The following NSUN3 variants were observed in gnomAD, a reference collection of about 807,000 sequenced individuals.
NSUN3 encodes the protein NOP2/Sun RNA methyltransferase 3.
A neutral mutation model predicts 36.8 loss-of-function variants in NSUN3; 24 were observed. The ratio of observed to expected loss-of-function variants is 0.65; its 90% CI spans 0.47 to 0.92. NSUN3 has a LOEUF of 0.92. NSUN3 is among the 40% of genes least tolerant of loss of function. The probability of loss-of-function intolerance (pLI) is 0.00; values close to 1 mark genes in which losing one functional copy is unlikely to be tolerated. For missense variants in NSUN3, 381 were observed against 392.8 expected (o/e 0.97, Z 0.25); for synonymous variants, 146 against 145.2 (o/e 1.01, Z -0.04).
chr3:94,114,443 C>G (rs1416007108), intron 5 of NSUN3, among the ~76,000 whole-genome samples: 1 of 152,118 alleles, frequency 6.6e-6, no homozygotes, highest in African/African-American at 2.4e-5. Flanking sequence ...CTGTGAAGTG[C>G]TCTTTAACTA....
chr3:94,111,969 G>A (rs2077419711), intron 5 of NSUN3, among the ~76,000 whole-genome samples: 3 of 152,088 alleles, frequency 2.0e-5, no homozygotes, highest in African/African-American at 7.2e-5. Context: ...TTAAGGAACT[G>A]GCTTATACAG....
intron 2 of NSUN3, among the ~76,000 whole-genome samples, chr3:94,082,911 GTTAGT>G (rs2077275931): frequency 1.3e-5 from 2 of 152,086 alleles, no homozygotes; most frequent in African/African-American, 2.4e-5. Context: ...GTTCACTGTA[GTTAGT>G]TTTCCATACC....
chr3:94,064,681 G>A (rs954557938), intron 2 of NSUN3, 135 bp downstream of exon 2: 1 of 568,420 alleles, frequency 1.8e-6, no homozygotes, highest in African/African-American at 1.9e-5. Flanking sequence ...TGAAGCTATA[G>A]AAAGGAACAA....
intron 5 of NSUN3, among the ~76,000 whole-genome samples, chr3:94,099,071 A>G: frequency 6.6e-6 from 1 of 152,216 alleles, no homozygotes; most frequent in East Asian, 1.9e-4. Context: ...TTGAGTATTT[A>G]GAATTTATAG....
At chr3:94,124,037 TTATG>T (rs1318322456) in intron 5 of NSUN3, among the ~76,000 whole-genome samples, 1 of 152,050 alleles carries the variant, frequency 6.6e-6, no homozygotes, top group African/African-American at 2.4e-5. Flanking sequence ...ATGTGTATGT[TTATG>T]TATGTGTGTA....
At chr3:94,094,027 T>A (rs2077327226) in intron 3 of NSUN3, 113 bp from the exon 4 acceptor site, 1 of 740,072 alleles carries the variant, frequency 1.4e-6, no homozygotes, top group Admixed American at 3.1e-5. Context: ...CTCTGAGCCC[T>A]ATTTCTGCAT....
chr3:94,071,166 AT>A (rs1425071485), intron 2 of NSUN3, among the ~76,000 whole-genome samples: 2 of 152,176 alleles, frequency 1.3e-5, no homozygotes, highest in Non-Finnish European at 2.9e-5. Context: ...TTTCTTACCA[AT>A]TTTTACTTTT....
intron 5 of NSUN3, among the ~76,000 whole-genome samples, chr3:94,118,812 A>G (rs918372094): frequency 4.0e-5 from 6 of 151,876 alleles, no homozygotes; most frequent in African/African-American, 1.5e-4. Context: ...TTATGTGGTC[A>G]GTACCACAGC....
chr3:94,080,802 G>A (rs1003058356), intron 2 of NSUN3, among the ~76,000 whole-genome samples: 3 of 152,224 alleles, frequency 2.0e-5, no homozygotes, highest in African/African-American at 7.2e-5. Flanking sequence ...TGCTGTGCTG[G>A]CAGTGAGAAT....
intron 2 of NSUN3, among the ~76,000 whole-genome samples, chr3:94,072,883 C>T (rs959497803): frequency 4.0e-5 from 6 of 151,864 alleles, no homozygotes; most frequent in Non-Finnish European, 7.4e-5. Context: ...ATACCCATGC[C>T]ATGGTGGTTT....
At position 94,084,107 on chromosome 3, in the gene NSUN3, G is replaced by A. The variant is rs1281547138; in HGVS notation, c.123G>A (p.Arg41=). ...KELGDAWNTV[R]EILTSPSCWQ... ...TTATTTTCTCTTTTTCTATTTCTAG[G>A]GAGATACTAACATCTCCATCATGCT... Residue 41 remains arginine, a splice_region_variant and synonymous_variant, in exon 3 of 6, where the codon AGG becomes AGA. Coordinates refer to ENST00000314622, the MANE Select transcript of NSUN3 (RefSeq NM_022072.5). 5 of 1,603,514 alleles carry A rather than the reference G, an allele frequency of 3.1e-6. No homozygotes were observed. In the Admixed American group the frequency reaches 8.4e-5, roughly 27 times the overall value.
In NSUN3 at chr3:94,129,484, A is replaced by G. The variant is rs2077500694; in HGVS notation, c.*2994A>G. Among the ~76,000 whole-genome samples, 1 of 152,078 alleles carries G rather than the reference A, an allele frequency of 6.6e-6. No individual in the cohort carries two copies. Among genetic ancestry groups the G allele is most frequent in the South Asian group, 2.1e-4 (1 of 4,826 alleles). ...CATAAAGGAACAATAGACACTGGTG[A>G]CTACTAGAGTGGGGAGGGGAGGAGG... On this transcript the variant is annotated 3_prime_UTR_variant, in exon 6 of 6. Coordinates refer to ENST00000314622, the MANE Select transcript of NSUN3 (RefSeq NM_022072.5).
At chr3:94,100,354 T>C (rs1206168061) in intron 5 of NSUN3, among the ~76,000 whole-genome samples, 1 of 152,212 alleles carries the variant, frequency 6.6e-6, no homozygotes, top group African/African-American at 2.4e-5. Context: ...TAGGGCATTA[T>C]GTTAAGTGAA....
intron 2 of NSUN3, among the ~76,000 whole-genome samples, chr3:94,080,524 C>T (rs2107243972): frequency 6.6e-6 from 1 of 152,354 alleles, no homozygotes; most frequent in South Asian, 2.1e-4. Flanking sequence ...CCCCTTTCCC[C>T]AGGTGCTCTG....
chr3:94,116,936 C>T (rs897999806), intron 5 of NSUN3, among the ~76,000 whole-genome samples: 2 of 150,326 alleles, frequency 1.3e-5, no homozygotes, highest in Non-Finnish European at 3.0e-5. Context: ...CCATAAATAG[C>T]CTTACATGAG....
At chr3:94,078,413 G>T (rs1397047257) in intron 2 of NSUN3, among the ~76,000 whole-genome samples, 1 of 152,204 alleles carries the variant, frequency 6.6e-6, no homozygotes, top group Admixed American at 6.5e-5. Context: ...TGTATATTCT[G>T]TTGATTTTGG....
At chr3:94,090,754 G>A (rs2077311649) in intron 3 of NSUN3, among the ~76,000 whole-genome samples, 1 of 152,120 alleles carries the variant, frequency 6.6e-6, no homozygotes, top group Admixed American at 6.6e-5. Flanking sequence ...AACCTTGAAG[G>A]TAAATTACGT....
intron 3 of NSUN3, among the ~76,000 whole-genome samples, chr3:94,086,019 C>T (rs1226240794): frequency 6.6e-6 from 1 of 151,322 alleles, no homozygotes; most frequent in East Asian, 2.0e-4. Flanking sequence ...TATCAGCTCA[C>T]TCCAACCTCT....
rs1362117705 is a variant in NSUN3 at position 94,130,601 on chromosome 3, T to C, written c.*4111T>C. ...ATGTTATTTTCTTAGATCACTGGTT[T>C]CTCAGAACATGTCTTTCTGCATGGC... On this transcript the variant is annotated 3_prime_UTR_variant, in exon 6 of 6. Coordinates refer to ENST00000314622, the MANE Select transcript of NSUN3 (RefSeq NM_022072.5). Among the ~76,000 whole-genome samples, 1 of 152,178 alleles carries C rather than the reference T, an allele frequency of 6.6e-6. No homozygotes were observed. Among genetic ancestry groups the C allele is most frequent in the Non-Finnish European group, 1.5e-5 (1 of 68,032 alleles).
Sources: gnomAD v4.1 joint callset for allele counts (sites outside exome capture counted in the v4.1 genomes callset) on GRCh38, gnomAD v4.1.1 for gene constraint, MANE v1.5 for transcripts, NCBI Gene and HGNC (gene_info 2026-07-23, HGNC 2026-07-21) for gene names.